FGGY: variants seen among roughly 807,000 people sequenced by gnomAD.
FGGY encodes the protein FGGY carbohydrate kinase domain-containing protein.
Under a neutral mutation model 71.3 loss-of-function variants are expected in FGGY, and 72 were observed. That is an observed-to-expected ratio of 1.01 (90% CI 0.84 to 1.23). The LOEUF is 1.23. Ranked by LOEUF, FGGY falls within the 50% of genes most tolerant of loss-of-function variation. FGGY has a pLI of 0.00. For missense variants in FGGY, 668 were observed against 682.3 expected (o/e 0.98, Z 0.23); for synonymous variants, 251 against 250.3 (o/e 1.00, Z -0.02).
intron 8 of FGGY, among the ~76,000 whole-genome samples, chr1:59,582,463 C>T (rs1440346947): frequency 6.7e-6 from 1 of 149,850 alleles, no homozygotes; most frequent in East Asian, 1.9e-4. Context: ...TCTCCAGCCT[C>T]ACGTTGCACT....
chr1:59,505,007 A>G (rs1303025360), intron 6 of FGGY, among the ~76,000 whole-genome samples: 1 of 152,250 alleles, frequency 6.6e-6, no homozygotes, highest in African/African-American at 2.4e-5. Flanking sequence ...TCTAGTGGGA[A>G]AGAGAGATCG....
At chr1:59,386,857 G>T (rs2060129201) in intron 5 of FGGY, among the ~76,000 whole-genome samples, 1 of 151,830 alleles carries the variant, frequency 6.6e-6, no homozygotes, top group Non-Finnish European at 1.5e-5. Context: ...ATAATTTTAG[G>T]TTTATTATTT....
chr1:59,448,623 T>C (rs2071891815), intron 5 of FGGY, among the ~76,000 whole-genome samples: 1 of 152,144 alleles, frequency 6.6e-6, no homozygotes, highest in Non-Finnish European at 1.5e-5. Context: ...ATAACTGAGA[T>C]CTGAAGGTTT....
chr1:59,588,487 A>G (rs1571731146), intron 8 of FGGY, among the ~76,000 whole-genome samples: 1 of 152,284 alleles, frequency 6.6e-6, no homozygotes, highest in South Asian at 2.1e-4. Flanking sequence ...CAAGACACAT[A>G]ATTGTCAGAT....
At chr1:59,563,049 T>A (rs988558748) in intron 8 of FGGY, among the ~76,000 whole-genome samples, 2 of 152,198 alleles carry the variant, frequency 1.3e-5, no homozygotes, top group African/African-American at 4.8e-5. Flanking sequence ...CAAACCGAGA[T>A]AATTTGACTT....
chr1:59,696,388 T>C (rs2097659410), intron 14 of FGGY, among the ~76,000 whole-genome samples: 1 of 152,234 alleles, frequency 6.6e-6, no homozygotes. Flanking sequence ...AGAAATATTT[T>C]ATGACTAATC....
intron 4 of FGGY, among the ~76,000 whole-genome samples, chr1:59,367,039 C>T (rs2056712998): frequency 6.6e-6 from 1 of 152,124 alleles, no homozygotes; most frequent in Non-Finnish European, 1.5e-5. Context: ...GGTTAAGAGT[C>T]CTGAGAGCCA....
intron 4 of FGGY, among the ~76,000 whole-genome samples, chr1:59,375,085 C>A (rs1435815100): frequency 6.8e-6 from 1 of 146,038 alleles, no homozygotes; most frequent in Non-Finnish European, 1.5e-5. Flanking sequence ...AAAAAATCCA[C>A]CTAGTTTTCA....
intron 14 of FGGY, among the ~76,000 whole-genome samples, chr1:59,752,642 C>G (rs1002021654): frequency 6.6e-6 from 1 of 152,228 alleles, no homozygotes; most frequent in South Asian, 2.1e-4. Flanking sequence ...TCCCTGGTAA[C>G]TCACTCCAAC....
chr1:59,662,118 G>A (rs761180806), intron 12 of FGGY, among the ~76,000 whole-genome samples: 7 of 149,156 alleles, frequency 4.7e-5, no homozygotes, highest in Non-Finnish European at 8.9e-5. Flanking sequence ...TCAGGAGATC[G>A]AGACTATCCC....
At chr1:59,691,535 G>T (rs549290073) in intron 14 of FGGY, among the ~76,000 whole-genome samples, 3 of 152,090 alleles carry the variant, frequency 2.0e-5, no homozygotes, top group Non-Finnish European at 4.4e-5. Context: ...CTGGGGATCT[G>T]ACCTCTTGCT....
At chr1:59,493,130 C>CACACACACACACACAA (rs3220800) in intron 6 of FGGY, among the ~76,000 whole-genome samples, 6 of 150,390 alleles carry the variant, frequency 4.0e-5, no homozygotes, top group Non-Finnish European at 7.4e-5. Flanking sequence ...CACACACACA[C>CACACACACACACACAA]AAAACAGAAA....
chr1:59,647,509 G>C (rs937463598), intron 11 of FGGY, among the ~76,000 whole-genome samples: 4 of 152,108 alleles, frequency 2.6e-5, no homozygotes, highest in African/African-American at 9.7e-5. Context: ...ATCTAGGTTG[G>C]TTCTACTGGT....
chr1:59,305,509 T>C (rs2043314109), intron 1 of FGGY, among the ~76,000 whole-genome samples: 1 of 152,124 alleles, frequency 6.6e-6, no homozygotes, highest in African/African-American at 2.4e-5. Flanking sequence ...TATTGGCCTG[T>C]AATTATCTTT....
chr1:59,483,375 T>G (rs1265162034), intron 6 of FGGY, among the ~76,000 whole-genome samples: 3 of 152,180 alleles, frequency 2.0e-5, no homozygotes, highest in Non-Finnish European at 4.4e-5. Flanking sequence ...GTGAAGATAC[T>G]CAGCCCCTGC....
At chr1:59,410,413 A>G (rs2063435380) in intron 5 of FGGY, among the ~76,000 whole-genome samples, 1 of 152,154 alleles carries the variant, frequency 6.6e-6, no homozygotes, top group Admixed American at 6.5e-5. Flanking sequence ...GCTTGCCCAC[A>G]TCACACTACT....
intron 8 of FGGY, among the ~76,000 whole-genome samples, chr1:59,560,278 C>G (rs895162253): frequency 2.0e-5 from 3 of 152,148 alleles, no homozygotes; most frequent in African/African-American, 7.2e-5. Context: ...TTTCTCAAAG[C>G]TGTCATCCAG....
chr1:59,592,251 G>T (rs1382325269), intron 8 of FGGY, among the ~76,000 whole-genome samples: 1 of 152,136 alleles, frequency 6.6e-6, no homozygotes, highest in African/African-American at 2.4e-5. Context: ...TCTCACACCA[G>T]TTAGAATGGC....
intron 11 of FGGY, among the ~76,000 whole-genome samples, chr1:59,656,353 C>T (rs2097218070): frequency 6.6e-6 from 1 of 152,190 alleles, no homozygotes; most frequent in African/African-American, 2.4e-5. Flanking sequence ...CAAAGCTGTG[C>T]CTCTCCCAGG....
Sources: gnomAD v4.1 joint callset for allele counts (sites outside exome capture counted in the v4.1 genomes callset) on GRCh38, gnomAD v4.1.1 for gene constraint, MANE v1.5 for transcripts, NCBI Gene and HGNC (gene_info 2026-07-23, HGNC 2026-07-21) for gene names.